The following GYG1 variants were observed in gnomAD, a reference collection of about 807,000 sequenced individuals.
GYG1 encodes the protein glycogenin-1.
A neutral mutation model predicts 41.9 loss-of-function variants in GYG1; 44 were observed. That is an observed-to-expected ratio of 1.05 (90% CI 0.83 to 1.35). The LOEUF (loss-of-function observed/expected upper bound fraction) is 1.35, where lower values mean the gene tolerates loss of function less well. Among genes scored for constraint, GYG1 ranks in the 40% most tolerant of loss-of-function variants. The pLI is 0.00. For missense variants in GYG1, 429 were observed against 418.9 expected (o/e 1.02, Z -0.21); for synonymous variants, 141 against 158.1 (o/e 0.89, Z 0.81).
intron 5 of GYG1, among the ~76,000 whole-genome samples, chr3:149,023,303 C>G (rs544286406): frequency 1.3e-5 from 2 of 152,182 alleles, no homozygotes; most frequent in African/African-American, 4.8e-5. Flanking sequence ...GTGTCCTCCC[C>G]CTGAGGAGGC....
At position 149,026,861 on chromosome 3, in the gene GYG1, G is replaced by A. The variant is rs376689038; in HGVS notation, c.981G>A (p.Gln327=). 1 of 1,613,802 alleles carries A rather than the reference G, an allele frequency of 6.2e-7. No individual in the cohort carries two copies. Residue 327 remains glutamine, a synonymous_variant, in exon 8 of 8, where the codon CAG becomes CAA. Coordinates refer to ENST00000345003, the MANE Select transcript of GYG1 (RefSeq NM_004130.4). The part of the protein sequence containing the change: ...SSEERKERWE[Q]GQADYMGADS... The stretch of plus-strand genomic sequence containing the variant: ...AAGAACGGAAGGAACGATGGGAACA[G>A]GGCCAGGCTGATTATATGGGAGCAG...
chr3:149,010,138 T>A (rs1713634153), intron 5 of GYG1, among the ~76,000 whole-genome samples: 1 of 152,202 alleles, frequency 6.6e-6, no homozygotes, highest in African/African-American at 2.4e-5. Flanking sequence ...CCTCACTCTG[T>A]CATTTATCTG....
chr3:149,026,845 A>G lies in GYG1; in HGVS notation c.965A>G (p.Lys322Arg). ...AQPFVSSEER[K>R]ERWEQGQADY... ...CCGTTTGTATCCTCGGAAGAACGGAAGGAACGATGGGAACAGGGCCAGGCT... is the reference window on the plus strand; with the variant it reads ...CCGTTTGTATCCTCGGAAGAACGGAGGGAACGATGGGAACAGGGCCAGGCT... Residue 322 changes from lysine to arginine, a missense_variant, in exon 8 of 8, where the codon AAG (lysine) becomes AGG (arginine). Physicochemically the swap from Lys to Arg is conservative, Grantham distance 26 (BLOSUM62 2). Transcript: ENST00000345003. 6.2e-7 allele frequency: 1 copy of G among 1,614,024 alleles called. No individual in the cohort carries two copies. Among genetic ancestry groups the G allele is most frequent in the Non-Finnish European group, 8.5e-7 (1 of 1,179,894 alleles).
rs1180887777 is a variant in GYG1, at chr3:149,027,729, A to T, written c.*796A>T. ...AATTTTTGGAATTTGTCATAGTTTTAAAAAAGTGTAAAGCTTGACATTGGG... is the reference window on the plus strand; with the variant it reads ...AATTTTTGGAATTTGTCATAGTTTTTAAAAAGTGTAAAGCTTGACATTGGG... On this transcript the variant is annotated 3_prime_UTR_variant, in exon 8 of 8. Transcript: ENST00000345003. The T allele has an allele frequency of 1.3e-5, 2 of 152,202 alleles. No individual in the cohort carries two copies. The highest frequency in any genetic ancestry group is 1.9e-4 in the East Asian group (1 of 5,200). The allele number at this position is 152,202 out of a possible 1,614,324, so 9.4% of individuals were successfully genotyped here.
intron 4 of GYG1, among the ~76,000 whole-genome samples, chr3:149,000,107 C>T (rs1159470971): frequency 1.3e-5 from 2 of 152,352 alleles, no homozygotes; most frequent in East Asian, 3.9e-4. Context: ...CCTCTATTCA[C>T]AGCCTCTCCA....
In GYG1 at chr3:149,028,204, C is replaced by T. The variant is rs1374243348; in HGVS notation, c.*1271C>T. Among the ~76,000 whole-genome samples the T allele has an allele frequency of 2.0e-5, 3 of 152,130 alleles. No homozygotes were observed. Among genetic ancestry groups the T allele is most frequent in the African/African-American group, 4.8e-5 (2 of 41,420 alleles). ...AGCTGCAAAGCTTTTGTGACTTAGC[C>T]TTCAAAGTCACCCTCCTTATTCATA... On this transcript the variant is annotated 3_prime_UTR_variant, in exon 8 of 8. Transcript: ENST00000345003.
At chr3:148,992,104 G>A (rs1036009928) in intron 1 of GYG1, among the ~76,000 whole-genome samples, 6 of 151,792 alleles carry the variant, frequency 4.0e-5, no homozygotes, top group Non-Finnish European at 8.8e-5. Context: ...TGCGGCCTCC[G>A]CCCGGCTCCT....
intron 5 of GYG1, among the ~76,000 whole-genome samples, chr3:149,010,925 T>A (rs1713689362): frequency 6.6e-6 from 1 of 152,202 alleles, no homozygotes; most frequent in African/African-American, 2.4e-5. Flanking sequence ...CCGTAAGTCT[T>A]ACACCACGGT....
chr3:149,019,682 A>T (rs1714265637), intron 5 of GYG1, among the ~76,000 whole-genome samples: 1 of 152,238 alleles, frequency 6.6e-6, no homozygotes, highest in African/African-American at 2.4e-5. Context: ...TACAGGGAGT[A>T]ACAGATTTAG....
Position 149,026,916 on chromosome 3 carries a change from G to T in GYG1, c.1036G>T (p.Asp346Tyr), listed in dbSNP as rs141679018. The T allele has an allele frequency of 2.4e-4, 384 of 1,613,620 alleles. No homozygotes were observed. Among genetic ancestry groups the T allele is most frequent in the Non-Finnish European group, 2.9e-4 (341 of 1,179,622 alleles). The change falls in exon 8 of 8, where the codon GAC becomes TAC. Residue 346 changes from aspartate (D) to tyrosine (Y), a missense_variant. By Grantham distance (160) the Asp-to-Tyr change is radical. Transcript: ENST00000345003. ...DSFDNIKRKL[D>Y]TYLQ Reference sequence around the variant, plus strand: ...CTTTGACAACATCAAGAGGAAACTTGACACTTACCTCCAGTAGAAACACTG... The same window carrying T: ...CTTTGACAACATCAAGAGGAAACTTTACACTTACCTCCAGTAGAAACACTG...
rs1464390216 is a variant in GYG1, at chr3:149,027,253, G to C, written c.*320G>C. 9 of 357,664 alleles carry C rather than the reference G, an allele frequency of 2.5e-5. No homozygotes were observed. The highest frequency in any genetic ancestry group is 4.1e-5 in the African/African-American group (2 of 48,264). The allele number at this position is 357,664 out of a possible 1,614,324, so 22.2% of individuals were successfully genotyped here. A position where few individuals can be genotyped will look rare whatever the true frequency, so the allele number is the denominator to read the frequency against. On this transcript the variant is annotated 3_prime_UTR_variant, in exon 8 of 8. Coordinates refer to ENST00000345003, the MANE Select transcript of GYG1 (RefSeq NM_004130.4). The stretch of plus-strand genomic sequence containing the variant: ...TGTATCAGTTCTTAAAATCTGCAGA[G>C]CCTGGTTCAAAATCAGTCACTCCCT...
intron 5 of GYG1, among the ~76,000 whole-genome samples, chr3:149,012,997 T>TTGTGTGTG (rs10575910): frequency 0.19 from 27,078 of 141,244 alleles, 2,499 homozygotes; most frequent in Admixed American, 0.2. Flanking sequence ...CTCAGTTAAT[T>TTGTGTGTG]TGTGTGTGTG....
intron 4 of GYG1, among the ~76,000 whole-genome samples, chr3:149,006,345 T>A (rs1429401295): frequency 6.6e-6 from 1 of 152,194 alleles, no homozygotes; most frequent in Non-Finnish European, 1.5e-5. Flanking sequence ...CCTCCCAAAG[T>A]GCTGGGATTA....
At chr3:148,994,071 T>G in intron 1 of GYG1, 71 bp from the exon 2 acceptor site, 1 of 1,364,368 alleles carries the variant, frequency 7.3e-7, no homozygotes, top group Non-Finnish European at 1.0e-6. Flanking sequence ...ACTGTTTGAA[T>G]GGGTTCCTGG....
At chr3:149,025,071 T>A (rs1242657383) in intron 6 of GYG1, among the ~76,000 whole-genome samples, 1 of 152,176 alleles carries the variant, frequency 6.6e-6, no homozygotes, top group Non-Finnish European at 1.5e-5. Context: ...TTTACTAAGA[T>A]ATAGAAAGGA....
chr3:149,016,276 AC>A (rs1196508362), intron 5 of GYG1, among the ~76,000 whole-genome samples: 21 of 146,610 alleles, frequency 1.4e-4, no homozygotes, highest in African/African-American at 3.2e-4. Flanking sequence ...AAAAAAAAAA[AC>A]AAAAAAGAAA....
In GYG1 at chr3:149,026,106, G is replaced by A. The variant is rs372980997; in HGVS notation, c.829-346G>A. 3.0e-4 allele frequency among the ~76,000 whole-genome samples: 45 copies of A among 152,256 alleles called. 1 individual carries two copies. Among genetic ancestry groups the A allele is most frequent in the African/African-American group, 1.0e-3 (42 of 41,526 alleles). On this transcript the variant is annotated intron_variant, in intron 6 of 7. Transcript: ENST00000345003. ...CATACCTATATGCTTACGTATATACGTAATTATGAACCAAGGAAAGGTGAA... is the reference window on the plus strand; with the variant it reads ...CATACCTATATGCTTACGTATATACATAATTATGAACCAAGGAAAGGTGAA...
At position 148,999,220 on chromosome 3, in the gene GYG1, C is replaced by T. The variant is rs567858250; in HGVS notation, c.481+2316C>T. On this transcript the variant is annotated intron_variant, in intron 4 of 7. Transcript: ENST00000345003. ...CTTTTTCAGCCAGAATCTGAAACCACCGTGAGATTCTGTCTGTGCCTCTAG... is the reference window on the plus strand; with the variant it reads ...CTTTTTCAGCCAGAATCTGAAACCATCGTGAGATTCTGTCTGTGCCTCTAG... 1.5e-4 allele frequency among the ~76,000 whole-genome samples: 23 copies of T among 152,344 alleles called. No homozygotes were observed. The South Asian group carries it at 4.6e-3, about 30-fold the overall frequency.
rs1714207407 is a variant in GYG1 at position 149,018,767 on chromosome 3, T to C, written c.609-5286T>C. 3.3e-5 allele frequency among the ~76,000 whole-genome samples: 5 copies of C among 152,088 alleles called. No homozygotes were observed. The South Asian group carries it at 1.0e-3, about 32-fold the overall frequency. The stretch of plus-strand genomic sequence containing the variant: ...AGATAGTAGGTGTGTAACAGTTTGA[T>C]TAAAGTAGTGTCAGGCCGGGCCCGT... On this transcript the variant is annotated intron_variant, in intron 5 of 7. Transcript: ENST00000345003.
Sources: allele counts gnomAD v4.1 joint callset (sites outside exome capture counted in the v4.1 genomes callset), GRCh38; gene constraint gnomAD v4.1.1; transcripts MANE v1.5; gene names NCBI Gene and HGNC (gene_info 2026-07-23, HGNC 2026-07-21).